Variants in LRRC1 observed in about 807,000 individuals in gnomAD.
LRRC1 encodes leucine-rich repeat-containing protein 1.
In LRRC1, 28 loss-of-function variants were observed where a neutral mutation model predicts 69.9. The observed-to-expected ratio is 0.40, with a 90% confidence interval of 0.30 to 0.55. The LOEUF is 0.55. LRRC1 is among the 20% of genes least tolerant of loss of function. The pLI is 0.47. For missense variants in LRRC1, 498 were observed against 609.0 expected, an observed-to-expected ratio of 0.82 and a Z score of 1.92; for synonymous variants, 236 against 240.2, an observed-to-expected ratio of 0.98 and a Z score of 0.16.
chr6:53,848,023 C>T (rs1766002412), intron 2 of LRRC1, among the ~76,000 whole-genome samples: 1 of 152,068 alleles, frequency 6.6e-6, no homozygotes, highest in Non-Finnish European at 1.5e-5. Context: ...TAATTTGGGC[C>T]CAAATTTAGC....
At chr6:53,908,375 T>C (rs1230834646) in intron 10 of LRRC1, among the ~76,000 whole-genome samples, 2 of 152,188 alleles carry the variant, frequency 1.3e-5, no homozygotes, top group Non-Finnish European at 2.9e-5. Context: ...CTGTAAATAT[T>C]AATTACCCAT....
At chr6:53,838,311 G>A (rs1197952527) in intron 1 of LRRC1, among the ~76,000 whole-genome samples, 1 of 152,204 alleles carries the variant, frequency 6.6e-6, no homozygotes, top group African/African-American at 2.4e-5. Context: ...GAATAAAGTA[G>A]TATTTGTGAC....
Position 53,861,180 on chromosome 6 carries a change from A to T in LRRC1, c.278-17813A>T, listed in dbSNP as rs989285741. Among the ~76,000 whole-genome samples the T allele has an allele frequency of 2.0e-5, 3 of 151,846 alleles. No homozygotes were observed. In the East Asian group the frequency reaches 5.8e-4, roughly 29 times the overall value. Reference sequence around the variant, plus strand: ...CCTTTTGAACCTAAAATAGAAGTTAAAAAAAAATAAAATAAAATGGCCAGG... The same window carrying T: ...CCTTTTGAACCTAAAATAGAAGTTATAAAAAAATAAAATAAAATGGCCAGG... On this transcript the variant is annotated intron_variant, in intron 2 of 13. Transcript: ENST00000370888.
At chr6:53,893,220 A>G (rs915947449) in intron 4 of LRRC1, among the ~76,000 whole-genome samples, 1 of 152,190 alleles carries the variant, frequency 6.6e-6, no homozygotes, top group African/African-American at 2.4e-5. Flanking sequence ...AAAATGTATT[A>G]TGCTCTAATT....
At chr6:53,922,583 G>GA in intron 13 of LRRC1, 52 bp from the exon 14 acceptor site, 1 of 1,522,306 alleles carries the variant, frequency 6.6e-7, no homozygotes, top group Non-Finnish European at 8.9e-7. Flanking sequence ...TGCATGTTTT[G>GA]AAAAAAGTAG....
intron 2 of LRRC1, among the ~76,000 whole-genome samples, chr6:53,861,365 T>C (rs1766511215): frequency 6.6e-6 from 1 of 151,578 alleles, no homozygotes. Flanking sequence ...CAGCCAGAGC[T>C]GAGAACCACT....
chr6:53,863,965 C>T (rs988447555), intron 2 of LRRC1, among the ~76,000 whole-genome samples: 9 of 151,152 alleles, frequency 6.0e-5, no homozygotes, highest in South Asian at 2.1e-4. Flanking sequence ...ACTGTGTCTC[C>T]GACTAGAATT....
At chr6:53,803,344 G>A (rs968779859) in intron 1 of LRRC1, among the ~76,000 whole-genome samples, 1 of 152,212 alleles carries the variant, frequency 6.6e-6, no homozygotes, top group Non-Finnish European at 1.5e-5. Context: ...GCTCACTGAA[G>A]TCTAGGGCAA....
At chr6:53,888,141 A>G (rs1212731503) in intron 4 of LRRC1, among the ~76,000 whole-genome samples, 1 of 152,186 alleles carries the variant, frequency 6.6e-6, no homozygotes, top group East Asian at 1.9e-4. Context: ...TCTTGGGATC[A>G]GTTATATCAG....
At chr6:53,919,795 C>T in intron 12 of LRRC1, 125 bp downstream of exon 12, 1 of 769,774 alleles carries the variant, frequency 1.3e-6, no homozygotes, top group Non-Finnish European at 2.0e-6. Context: ...AGAGCCAGCT[C>T]AGGTGAGGCC....
At chr6:53,852,398 A>G (rs773070299) in intron 2 of LRRC1, among the ~76,000 whole-genome samples, 1 of 152,162 alleles carries the variant, frequency 6.6e-6, no homozygotes, top group Non-Finnish European at 1.5e-5. Flanking sequence ...GGCATGAGGG[A>G]TAGAGTGATA....
At chr6:53,850,687 T>G (rs920195831) in intron 2 of LRRC1, among the ~76,000 whole-genome samples, 1 of 152,262 alleles carries the variant, frequency 6.6e-6, no homozygotes, top group African/African-American at 2.4e-5. Context: ...AGGCTATTGA[T>G]TTAAAAATCT....
At chr6:53,830,359 T>G (rs1372879279) in intron 1 of LRRC1, among the ~76,000 whole-genome samples, 1 of 152,150 alleles carries the variant, frequency 6.6e-6, no homozygotes, top group East Asian at 1.9e-4. Flanking sequence ...GACATAGGAG[T>G]TGAGTAGACT....
chr6:53,909,191 G>A (rs1174382928), intron 10 of LRRC1, among the ~76,000 whole-genome samples: 3 of 152,172 alleles, frequency 2.0e-5, no homozygotes, highest in Non-Finnish European at 2.9e-5. Context: ...AAGGGCTTTT[G>A]CACTTATTCT....
rs115066996 is a variant in LRRC1, at chr6:53,803,772, G to A, written c.159+8357G>A. 7.4e-3 allele frequency among the ~76,000 whole-genome samples: 1,130 copies of A among 152,288 alleles called. 11 individuals carry two copies. The highest frequency in any genetic ancestry group is 0.025 in the African/African-American group (1,020 of 41,560). On this transcript the variant is annotated intron_variant, in intron 1 of 13. Coordinates refer to ENST00000370888, the MANE Select transcript of LRRC1 (RefSeq NM_018214.5). ...ACCCCAAGGAATGGATTTGCCATGT[G>A]GTAAGTGGAAGGTGGTGTTACACCT...
At chr6:53,842,801 C>T (rs1283256256) in intron 2 of LRRC1, among the ~76,000 whole-genome samples, 1 of 152,200 alleles carries the variant, frequency 6.6e-6, no homozygotes, top group East Asian at 1.9e-4. Flanking sequence ...TAATGTGTTT[C>T]TAATTAGGCT....
At chr6:53,816,832 C>T (rs1010769688) in intron 1 of LRRC1, among the ~76,000 whole-genome samples, 12 of 152,134 alleles carry the variant, frequency 7.9e-5, no homozygotes, top group Non-Finnish European at 1.5e-4. Context: ...ATCTGAAAGT[C>T]GGAACCTCCG....
In LRRC1 at chr6:53,864,164, G is replaced by A. The variant is rs76036133; in HGVS notation, c.278-14829G>A. On this transcript the variant is annotated intron_variant, in intron 2 of 13. Coordinates refer to ENST00000370888, the MANE Select transcript of LRRC1 (RefSeq NM_018214.5). ...TGTTGCCACAATGATCCCCCCTCTG[G>A]GTGACTCTCTGCTCTTTTGACTTCT... Among the ~76,000 whole-genome samples the A allele has an allele frequency of 8.6e-3, 1,306 of 152,046 alleles. 23 individuals carry two copies. Among genetic ancestry groups the A allele is most frequent in the African/African-American group, 0.029 (1,199 of 41,392 alleles).
chr6:53,901,657 A>G, intron 8 of LRRC1, among the ~76,000 whole-genome samples: 1 of 152,180 alleles, frequency 6.6e-6, no homozygotes, highest in African/African-American at 2.4e-5. Flanking sequence ...ACTAGTTGCC[A>G]GGAGACTTCT....
Sources: gnomAD v4.1 joint callset for allele counts (sites outside exome capture counted in the v4.1 genomes callset) on GRCh38, gnomAD v4.1.1 for gene constraint, MANE v1.5 for transcripts, NCBI Gene and HGNC (gene_info 2026-07-23, HGNC 2026-07-21) for gene names.